The following FLVCR1 variants were observed in gnomAD, a reference collection of about 807,000 sequenced individuals.
The protein encoded by FLVCR1 is choline/ethanolamine transporter FLVCR1.
FLVCR1 carries 34 observed loss-of-function variants against 53.6 expected under a neutral mutation model. That is an observed-to-expected ratio of 0.63 (90% CI 0.48 to 0.84). The LOEUF (loss-of-function observed/expected upper bound fraction) is 0.84. FLVCR1 is among the 40% of genes least tolerant of loss of function. FLVCR1 has a pLI of 0.00. For missense variants in FLVCR1, 677 were observed against 696.7 expected (o/e 0.97, Z 0.32); for synonymous variants, 300 against 286.3 (o/e 1.05, Z -0.48).
At chr1:212,890,244 G>A (rs1558121534) in intron 8 of FLVCR1, among the ~76,000 whole-genome samples, 1 of 152,170 alleles carries the variant, frequency 6.6e-6, no homozygotes, top group Non-Finnish European at 1.5e-5. Flanking sequence ...CTTTTAAAAT[G>A]TCATCATTCC....
intron 7 of FLVCR1, among the ~76,000 whole-genome samples, chr1:212,888,938 C>T (rs1665124532): frequency 1.3e-5 from 2 of 152,058 alleles, no homozygotes; most frequent in Admixed American, 1.3e-4. Flanking sequence ...AATTCGCCTA[C>T]CTCAACTCCC....
At chr1:212,876,818 T>C (rs1664766387) in intron 3 of FLVCR1, among the ~76,000 whole-genome samples, 1 of 152,258 alleles carries the variant, frequency 6.6e-6, no homozygotes, top group Non-Finnish European at 1.5e-5. Context: ...TGTATCTTTA[T>C]AATAGAATGA....
At chr1:212,866,364 G>A (rs1363845697) in intron 2 of FLVCR1, among the ~76,000 whole-genome samples, 3 of 151,910 alleles carry the variant, frequency 2.0e-5, no homozygotes, top group Non-Finnish European at 2.9e-5. Context: ...CAAATGATCT[G>A]CCTGCCTCGG....
At chr1:212,883,997 T>C (rs1162498661) in intron 4 of FLVCR1, among the ~76,000 whole-genome samples, 1 of 152,168 alleles carries the variant, frequency 6.6e-6, no homozygotes, top group Non-Finnish European at 1.5e-5. Flanking sequence ...ATTTAACATA[T>C]TTAATCCAGT....
chr1:212,898,691 A>AT lies in FLVCR1; in HGVS notation c.*3402dup, dbSNP rs1665403506. ...TAATTCTACAGTAATGTGTGACTTC[A>AT]TGACAGAGCTACATTCTGAGAAATT... On this transcript the variant is annotated 3_prime_UTR_variant, in exon 10 of 10. Coordinates refer to ENST00000366971, the MANE Select transcript of FLVCR1 (RefSeq NM_014053.4). 1 of 152,236 alleles carries AT rather than the reference A, an allele frequency of 6.6e-6. No individual in the cohort carries two copies. The highest frequency in any genetic ancestry group is 2.1e-4 in the South Asian group (1 of 4,836). 9.4% of individuals were successfully genotyped at this position (152,236 alleles called of 1,614,324 possible).
At chr1:212,879,746 G>T (rs10779592) in intron 3 of FLVCR1, among the ~76,000 whole-genome samples, 70,401 of 151,872 alleles carry the variant, frequency 0.46, 17,546 homozygotes, top group East Asian at 0.56. Flanking sequence ...TAGTAGAAAT[G>T]GGGTTTTGCC....
intron 2 of FLVCR1, among the ~76,000 whole-genome samples, 200 bp downstream of exon 2, chr1:212,864,069 G>T (rs1404782020): frequency 6.6e-6 from 1 of 152,118 alleles, no homozygotes; most frequent in African/African-American, 2.4e-5. Context: ...CATTGTGAAG[G>T]GTTTGAAGAC....
chr1:212,881,175 G>T (rs1442429843), intron 3 of FLVCR1, among the ~76,000 whole-genome samples: 2 of 152,038 alleles, frequency 1.3e-5, no homozygotes, highest in African/African-American at 4.8e-5. Context: ...ACTAAAATTA[G>T]AACTCTACAT....
intron 1 of FLVCR1, 47 bp downstream of exon 1, chr1:212,859,237 A>T (rs1664144579): frequency 6.2e-7 from 1 of 1,612,092 alleles, no homozygotes; most frequent in Non-Finnish European, 8.5e-7. Context: ...AAAAGACCGG[A>T]AAAAGTCATA....
intron 1 of FLVCR1, 102 bp from the exon 2 acceptor site, chr1:212,863,623 A>G: frequency 3.9e-6 from 4 of 1,019,546 alleles, no homozygotes; most frequent in Middle Eastern, 2.1e-4. Flanking sequence ...TTTTCAAAGC[A>G]CCTTTATAAA....
At position 212,869,633 on chromosome 1, in the gene FLVCR1, T is replaced by G. The variant is rs185563415; in HGVS notation, c.884-3045T>G. Among the ~76,000 whole-genome samples the G allele has an allele frequency of 3.2e-3, 491 of 152,348 alleles. 2 individuals carry two copies. The highest frequency in any genetic ancestry group is 0.011 in the African/African-American group (440 of 41,594). ...ACCTTGGCTCACAGCAACCTCCGCC[T>G]CCTGGGTTCAAGTGATTCTCCTGCC... On this transcript the variant is annotated intron_variant, in intron 2 of 9. Transcript: ENST00000366971.
In FLVCR1 at chr1:212,858,995, C is replaced by T. The variant is rs753192864; in HGVS notation, c.543C>T (p.Ser181=). 2.9e-5 allele frequency: 47 copies of T among 1,613,180 alleles called. No homozygotes were observed. Among genetic ancestry groups the T allele is most frequent in the Non-Finnish European group, 3.8e-5 (45 of 1,179,340 alleles). The part of the protein sequence containing the change: ...RGLRLTALLG[S]GLNCLGAWIK... ...TGCGGCTCACCGCCCTGCTGGGCTCCGGCCTCAACTGCCTGGGTGCCTGGA... is the reference window on the plus strand; with the variant it reads ...TGCGGCTCACCGCCCTGCTGGGCTCTGGCCTCAACTGCCTGGGTGCCTGGA... Residue 181 remains serine (S), a synonymous_variant, in exon 1 of 10, where the codon TCC becomes TCT. Coordinates refer to ENST00000366971, the MANE Select transcript of FLVCR1 (RefSeq NM_014053.4).
Position 212,889,785 on chromosome 1 carries a change from A to T in FLVCR1, c.1525+528A>T, listed in dbSNP as rs1665145453. 4.0e-5 allele frequency among the ~76,000 whole-genome samples: 6 copies of T among 151,178 alleles called. No individual in the cohort carries two copies. In the South Asian group the frequency reaches 1.3e-3, roughly 32 times the overall value. The stretch of plus-strand genomic sequence containing the variant: ...AAAAAAAAAAAAAAGAGTAGTAAAG[A>T]CCTGGAGTTGGGAAGACCTGGCCTC... On this transcript the variant is annotated intron_variant, in intron 8 of 9. Coordinates refer to ENST00000366971, the MANE Select transcript of FLVCR1 (RefSeq NM_014053.4).
At chr1:212,859,633 T>A (rs754477209) in intron 1 of FLVCR1, among the ~76,000 whole-genome samples, 4 of 151,502 alleles carry the variant, frequency 2.6e-5, no homozygotes, top group Admixed American at 2.6e-4. Context: ...CAGGAGAATC[T>A]CTTGAACCCG....
chr1:212,884,433 A>AG (rs1558118526), intron 4 of FLVCR1, among the ~76,000 whole-genome samples: 11 of 152,166 alleles, frequency 7.2e-5, no homozygotes, highest in Non-Finnish European at 1.2e-4. Context: ...CACACACACA[A>AG]TATGGAAAGC....
chr1:212,898,674 C>T lies in FLVCR1; in HGVS notation c.*3384C>T, dbSNP rs888368747. 3.3e-5 allele frequency: 5 copies of T among 152,166 alleles called. No homozygotes were observed. The highest frequency in any genetic ancestry group is 9.6e-5 in the African/African-American group (4 of 41,452). The allele number at this position is 152,166 out of a possible 1,614,324, so 9.4% of individuals were successfully genotyped here. A position where few individuals can be genotyped will look rare whatever the true frequency, so the allele number is the denominator to read the frequency against. ...GTCAAGCAAGAATGTTATAATTCTA[C>T]AGTAATGTGTGACTTCATGACAGAG... is the stretch of plus-strand genomic sequence containing the variant. On this transcript the variant is annotated 3_prime_UTR_variant, in exon 10 of 10. Coordinates refer to ENST00000366971, the MANE Select transcript of FLVCR1 (RefSeq NM_014053.4).
chr1:212,895,803 A>G lies in FLVCR1; in HGVS notation c.*513A>G, dbSNP rs1665319160. 6.1e-6 allele frequency: 1 copy of G among 165,056 alleles called. No individual in the cohort carries two copies. The highest frequency in any genetic ancestry group is 2.4e-5 in the African/African-American group (1 of 41,518). 10.2% of individuals were successfully genotyped at this position (165,056 alleles called of 1,614,324 possible). ...ACTTCAGTTTGAGTACAACATACCA[A>G]CATGACACTACTCACCCACAAAGGA... On this transcript the variant is annotated 3_prime_UTR_variant, in exon 10 of 10. Coordinates refer to ENST00000366971, the MANE Select transcript of FLVCR1 (RefSeq NM_014053.4).
chr1:212,876,614 C>T (rs962566708), intron 3 of FLVCR1, among the ~76,000 whole-genome samples: 2 of 152,172 alleles, frequency 1.3e-5, no homozygotes, highest in African/African-American at 2.4e-5. Context: ...GATTCACTGC[C>T]TCAGCCTCCC....
At chr1:212,867,772 A>C (rs1664478286) in intron 2 of FLVCR1, among the ~76,000 whole-genome samples, 1 of 151,888 alleles carries the variant, frequency 6.6e-6, no homozygotes, top group African/African-American at 2.4e-5. Context: ...ATATGCTTAA[A>C]CACATAAGCA....
Sources: allele counts gnomAD v4.1 joint callset (sites outside exome capture counted in the v4.1 genomes callset), GRCh38; gene constraint gnomAD v4.1.1; transcripts MANE v1.5; gene names NCBI Gene and HGNC (gene_info 2026-07-23, HGNC 2026-07-21).